The following HS6ST2 variants were observed in gnomAD, a reference collection of about 807,000 sequenced individuals.
HS6ST2 encodes heparan-sulfate 6-O-sulfotransferase 2.
A neutral mutation model predicts 33.0 loss-of-function variants in HS6ST2; 17 were observed. The ratio of observed to expected loss-of-function variants is 0.52; its 90% CI spans 0.35 to 0.77. The LOEUF is 0.77. Among genes scored for constraint, HS6ST2 ranks in the 30% least tolerant of loss-of-function variants. The pLI, the probability that HS6ST2 is intolerant of heterozygous loss-of-function variation, is 0.01. For synonymous variants in HS6ST2, 248 were observed against 237.1 expected (o/e 1.05, Z -0.42); for missense variants, 519 against 551.7 (o/e 0.94, Z 0.59).
At chrX:132,943,277 A>C (rs1442214510) in intron 2 of HS6ST2, among the ~76,000 whole-genome samples, 5 of 111,912 alleles carry the variant, frequency 4.5e-5, no homozygotes, top group Non-Finnish European at 9.4e-5. Context: ...AATTTAGTAG[A>C]CATTAAAATA....
intron 2 of HS6ST2, among the ~76,000 whole-genome samples, chrX:132,828,193 G>A (rs1274569648): frequency 2.7e-5 from 3 of 110,280 alleles, no homozygotes; most frequent in Non-Finnish European, 5.7e-5. Context: ...TGGGGGTGGG[G>A]GTGTTTCTTT....
intron 2 of HS6ST2, among the ~76,000 whole-genome samples, chrX:132,823,598 G>A (rs1005884881): frequency 1.9e-5 from 2 of 106,770 alleles, no homozygotes; most frequent in African/African-American, 6.8e-5. Flanking sequence ...GCTCATACCT[G>A]TAAAGCCAGC....
chrX:132,820,174 G>A (rs746312940), intron 2 of HS6ST2, among the ~76,000 whole-genome samples: 2 of 105,210 alleles, frequency 1.9e-5, no homozygotes, highest in East Asian at 5.8e-4. Context: ...GTCTATTGAA[G>A]GCAAGCAGAC....
chrX:132,841,593 C>T (rs2065707492), intron 2 of HS6ST2, among the ~76,000 whole-genome samples: 1 of 111,776 alleles, frequency 8.9e-6, no homozygotes, highest in Non-Finnish European at 1.9e-5. Context: ...GTGCTGGCAG[C>T]AGCAGTCAGT....
At chrX:132,691,050 G>A (rs139651949) in intron 3 of HS6ST2, among the ~76,000 whole-genome samples, 1,637 of 112,142 alleles carry the variant, frequency 0.015, 37 homozygotes, top group African/African-American at 0.049. Flanking sequence ...TTTTGTGAAA[G>A]AGGCAATGTT....
At chrX:132,646,143 A>G (rs376595151) in intron 4 of HS6ST2, among the ~76,000 whole-genome samples, 7 of 111,998 alleles carry the variant, frequency 6.3e-5, no homozygotes, top group East Asian at 2.8e-4. Context: ...ACAACACCAT[A>G]ATGGGACAGG....
intron 4 of HS6ST2, among the ~76,000 whole-genome samples, chrX:132,650,884 C>T (rs899816276): frequency 1.8e-5 from 2 of 110,871 alleles, no homozygotes; most frequent in Non-Finnish European, 3.8e-5. Flanking sequence ...TGCATCTTAG[C>T]TTCCCAAGTG....
At chrX:132,777,849 G>A (rs1367159279) in intron 2 of HS6ST2, among the ~76,000 whole-genome samples, 5 of 111,736 alleles carry the variant, frequency 4.5e-5, no homozygotes, top group Non-Finnish European at 1.9e-5. Flanking sequence ...AATGGGGACA[G>A]CGAGTAGTTG....
intron 2 of HS6ST2, among the ~76,000 whole-genome samples, chrX:132,733,506 G>A (rs1445217830): frequency 9.1e-6 from 1 of 110,449 alleles, no homozygotes; most frequent in East Asian, 2.8e-4. Context: ...TACCTCACAA[G>A]TACTTACTAA....
At chrX:132,943,853 G>A (rs1279646846) in intron 2 of HS6ST2, among the ~76,000 whole-genome samples, 1 of 111,427 alleles carries the variant, frequency 9.0e-6, no homozygotes, top group Non-Finnish European at 1.9e-5. Flanking sequence ...TTGATGGGAC[G>A]TATCTCAAAA....
chrX:132,669,334 C>G (rs1004139223), intron 3 of HS6ST2, 135 bp from the exon 4 acceptor site: 49 of 415,999 alleles, frequency 1.2e-4, no homozygotes, highest in Non-Finnish European at 1.7e-4. Flanking sequence ...ATCTCTCTCT[C>G]TCTCTCTCTC....
At chrX:132,812,354 G>A (rs79483999) in intron 2 of HS6ST2, among the ~76,000 whole-genome samples, 3 of 105,170 alleles carry the variant, frequency 2.9e-5, no homozygotes, top group Non-Finnish European at 3.9e-5. Context: ...GCAGTGAGCC[G>A]AGATTGCACC....
chrX:132,796,526 T>C (rs1022117232), intron 2 of HS6ST2, among the ~76,000 whole-genome samples: 1 of 112,557 alleles, frequency 8.9e-6, no homozygotes, highest in African/African-American at 3.2e-5. Context: ...TAAGAAACTT[T>C]CATTTGGACT....
At chrX:132,855,764 A>G (rs1026372160) in intron 2 of HS6ST2, among the ~76,000 whole-genome samples, 15 of 111,779 alleles carry the variant, frequency 1.3e-4, no homozygotes, top group African/African-American at 2.9e-4. Context: ...GCCATTTGGA[A>G]TTCAACTACA....
At chrX:132,681,046 T>C (rs772280345) in intron 3 of HS6ST2, among the ~76,000 whole-genome samples, 17 of 110,342 alleles carry the variant, frequency 1.5e-4, no homozygotes, top group African/African-American at 5.6e-4. Flanking sequence ...TTTCCAGCCA[T>C]TACATGTTGC....
intron 4 of HS6ST2, among the ~76,000 whole-genome samples, chrX:132,663,783 A>G (rs903364549): frequency 1.8e-5 from 2 of 112,133 alleles, no homozygotes; most frequent in Non-Finnish European, 3.8e-5. Context: ...ATACACACAC[A>G]TACTTTCATA....
At chrX:132,733,270 G>C (rs1237033250) in intron 2 of HS6ST2, among the ~76,000 whole-genome samples, 1 of 110,631 alleles carries the variant, frequency 9.0e-6, no homozygotes, top group Admixed American at 9.8e-5. Flanking sequence ...TGTACACTAG[G>C]GCTCATAAGG....
chrX:132,961,059 T>A (rs1353344915), upstream of HS6ST2, among the ~76,000 whole-genome samples: 5 of 107,182 alleles, frequency 4.7e-5, no homozygotes, highest in African/African-American at 1.7e-4. Flanking sequence ...CCAGTTCCTC[T>A]CAGGCAGTGA....
chrX:132,913,659 G>C (rs1285625138), intron 2 of HS6ST2, among the ~76,000 whole-genome samples: 2 of 112,359 alleles, frequency 1.8e-5, no homozygotes, highest in African/African-American at 6.5e-5. Context: ...TGAGATCCAG[G>C]CATGGCCATC....
Sources: allele counts gnomAD v4.1 joint callset (sites outside exome capture counted in the v4.1 genomes callset), GRCh38; gene constraint gnomAD v4.1.1; transcripts MANE v1.5; gene names NCBI Gene and HGNC (gene_info 2026-07-23, HGNC 2026-07-21).